The following MYO3B variants were observed in gnomAD, a reference collection of about 807,000 sequenced individuals.
MYO3B encodes myosin-IIIb.
A neutral mutation model predicts 174.6 loss-of-function variants in MYO3B; 156 were observed. The ratio of observed to expected loss-of-function variants is 0.89; its 90% CI spans 0.78 to 1.02. The LOEUF (loss-of-function observed/expected upper bound fraction) is 1.02. MYO3B is among the 50% of genes least tolerant of loss of function. MYO3B has a pLI of 0.00. For missense variants in MYO3B, 1,632 were observed against 1,639.4 expected, an observed-to-expected ratio of 1.00 and a Z score of 0.08; for synonymous variants, 563 against 569.1, an observed-to-expected ratio of 0.99 and a Z score of 0.15.
chr2:170,244,518 C>T (rs1388314927), intron 7 of MYO3B, among the ~76,000 whole-genome samples: 1 of 152,098 alleles, frequency 6.6e-6, no homozygotes, highest in Non-Finnish European at 1.5e-5. Flanking sequence ...GAGACTGCTG[C>T]CCCACTATCA....
intron 8 of MYO3B, among the ~76,000 whole-genome samples, chr2:170,352,697 T>C (rs1167185166): frequency 6.6e-6 from 1 of 152,220 alleles, no homozygotes; most frequent in East Asian, 1.9e-4. Context: ...ATCAACCAGC[T>C]CACAGAATTC....
intron 25 of MYO3B, among the ~76,000 whole-genome samples, chr2:170,478,127 T>C (rs1328023272): frequency 6.6e-6 from 1 of 152,176 alleles, no homozygotes; most frequent in African/African-American, 2.4e-5. Flanking sequence ...ATTTTACATA[T>C]ACCTCATTGA....
intron 3 of MYO3B, among the ~76,000 whole-genome samples, chr2:170,212,059 C>T (rs890291041): frequency 1.3e-5 from 2 of 151,814 alleles, no homozygotes; most frequent in Admixed American, 1.3e-4. Context: ...GCCTGACCAA[C>T]ATGGAGAAAC....
chr2:170,529,747 G>T (rs1689231817), intron 30 of MYO3B, among the ~76,000 whole-genome samples: 1 of 152,170 alleles, frequency 6.6e-6, no homozygotes, highest in African/African-American at 2.4e-5. Flanking sequence ...ATGGACTCAA[G>T]TGGAAAATAT....
intron 29 of MYO3B, among the ~76,000 whole-genome samples, chr2:170,515,785 A>G (rs527721973): frequency 1.2e-4 from 19 of 152,192 alleles, no homozygotes; most frequent in African/African-American, 4.1e-4. Flanking sequence ...GTGTAGGCAG[A>G]GAGTCTCTGG....
At chr2:170,607,354 A>G (rs192773091) in intron 32 of MYO3B, among the ~76,000 whole-genome samples, 7 of 152,338 alleles carry the variant, frequency 4.6e-5, no homozygotes, top group African/African-American at 1.2e-4. Flanking sequence ...TTTGTGCTAT[A>G]CTACATGGGT....
At chr2:170,243,362 G>A (rs985213492) in intron 7 of MYO3B, among the ~76,000 whole-genome samples, 1 of 152,194 alleles carries the variant, frequency 6.6e-6, no homozygotes, top group Non-Finnish European at 1.5e-5. Context: ...GCTAGCCTGA[G>A]GTAGTTCTCA....
At chr2:170,220,989 A>G (rs1024644676) in intron 6 of MYO3B, among the ~76,000 whole-genome samples, 4 of 152,290 alleles carry the variant, frequency 2.6e-5, no homozygotes, top group East Asian at 1.9e-4. Flanking sequence ...TTTTTGCGCC[A>G]TAATCCTCCA....
At chr2:170,486,392 C>T (rs976989578) in intron 25 of MYO3B, among the ~76,000 whole-genome samples, 1 of 151,068 alleles carries the variant, frequency 6.6e-6, no homozygotes, top group Non-Finnish European at 1.5e-5. Context: ...ACAACCTCCA[C>T]CTCCCAGGTT....
At chr2:170,274,412 T>A (rs1330297423) in intron 7 of MYO3B, among the ~76,000 whole-genome samples, 1 of 152,198 alleles carries the variant, frequency 6.6e-6, no homozygotes, top group Non-Finnish European at 1.5e-5. Flanking sequence ...TTCTTTTCAG[T>A]GCAACCGGGA....
At chr2:170,563,664 T>G (rs1353627205) in intron 32 of MYO3B, among the ~76,000 whole-genome samples, 5 of 152,170 alleles carry the variant, frequency 3.3e-5, no homozygotes, top group Non-Finnish European at 5.9e-5. Context: ...ATTTTCCTCA[T>G]ATCACCAGAA....
At chr2:170,627,365 C>T (rs1366210031) in intron 32 of MYO3B, among the ~76,000 whole-genome samples, 2 of 152,188 alleles carry the variant, frequency 1.3e-5, no homozygotes, top group African/African-American at 4.8e-5. Flanking sequence ...CTTGTGCATT[C>T]ATCACGTAGT....
intron 1 of MYO3B, among the ~76,000 whole-genome samples, chr2:170,180,524 C>T (rs549202306): frequency 2.0e-5 from 3 of 152,216 alleles, no homozygotes; most frequent in Admixed American, 6.5e-5. Flanking sequence ...TTCTGCTATC[C>T]TCTGACTTCA....
intron 9 of MYO3B, among the ~76,000 whole-genome samples, chr2:170,376,101 G>T (rs2105713541): frequency 6.6e-6 from 1 of 152,252 alleles, no homozygotes; most frequent in East Asian, 1.9e-4. Flanking sequence ...GATGAAAAAT[G>T]GGCAGATACT....
At chr2:170,333,261 A>C (rs551815313) in intron 7 of MYO3B, among the ~76,000 whole-genome samples, 1 of 152,340 alleles carries the variant, frequency 6.6e-6, no homozygotes, top group South Asian at 2.1e-4. Context: ...AGCCACAGGC[A>C]GTAAGAACTG....
intron 8 of MYO3B, among the ~76,000 whole-genome samples, chr2:170,335,929 G>A (rs1459387209): frequency 4.6e-5 from 7 of 152,260 alleles, no homozygotes; most frequent in Admixed American, 6.5e-5. Context: ...GGGTACCAAG[G>A]TAAGGTATCC....
intron 9 of MYO3B, among the ~76,000 whole-genome samples, chr2:170,371,646 G>A (rs1185483450): frequency 2.0e-5 from 3 of 149,816 alleles, no homozygotes; most frequent in African/African-American, 7.4e-5. Context: ...ATTCCATGCT[G>A]ATAAATCAAT....
chr2:170,510,853 T>A (rs913701581), intron 28 of MYO3B, among the ~76,000 whole-genome samples: 1 of 152,232 alleles, frequency 6.6e-6, no homozygotes, highest in Non-Finnish European at 1.5e-5. Flanking sequence ...CTTTTGAGTC[T>A]GGCTTTTTTC....
intron 22 of MYO3B, among the ~76,000 whole-genome samples, chr2:170,436,364 G>A (rs745984368): frequency 1.3e-5 from 2 of 152,146 alleles, no homozygotes; most frequent in Admixed American, 6.5e-5. Flanking sequence ...GTGTGTGTGC[G>A]CATCTGCTGA....
Sources: gnomAD v4.1 joint callset for allele counts (sites outside exome capture counted in the v4.1 genomes callset) on GRCh38, gnomAD v4.1.1 for gene constraint, MANE v1.5 for transcripts, NCBI Gene and HGNC (gene_info 2026-07-23, HGNC 2026-07-21) for gene names.